LRP8: variants seen among roughly 807,000 people sequenced by gnomAD.
LRP8 encodes LDL receptor related protein 8, also known as low-density lipoprotein receptor-related protein 8.
LRP8 carries 46 observed loss-of-function variants against 111.6 expected under a neutral mutation model. That is an observed-to-expected ratio of 0.41 (90% CI 0.33 to 0.53). The LOEUF is 0.53. LRP8 is among the 20% of genes least tolerant of loss of function. The probability of loss-of-function intolerance (pLI) is 0.20; values close to 1 mark genes in which losing one functional copy is unlikely to be tolerated. For missense variants in LRP8, 959 were observed against 1,297.4 expected (o/e 0.74, Z 4.01); for synonymous variants, 464 against 511.2 (o/e 0.91, Z 1.24).
Position 53,294,716 on chromosome 1 carries a change from G to A in LRP8, c.245-5027C>T, listed in dbSNP as rs562998932. On this transcript the variant is annotated intron_variant, in intron 2 of 18. Coordinates refer to ENST00000306052, the MANE Select transcript of LRP8 (RefSeq NM_004631.5). This position sits in a 1 kb window ranked among gnomAD's most constrained non-coding sequence, Gnocchi z 4.1. ...CCTCATCAGGAAATGGAGGTGTGGCGCTGACTAAGTCTTAAGGCCCTCTCC... is the reference window on the plus strand; with the variant it reads ...CCTCATCAGGAAATGGAGGTGTGGCACTGACTAAGTCTTAAGGCCCTCTCC... Among the ~76,000 whole-genome samples the A allele has an allele frequency of 2.6e-5, 4 of 152,130 alleles. No individual in the cohort carries two copies. Among genetic ancestry groups the A allele is most frequent in the South Asian group, 2.1e-4 (1 of 4,826 alleles).
rs1274662029 is a variant in LRP8 at position 53,289,588 on chromosome 1, C to T, written c.346G>A (p.Asp116Asn). 7 of 1,606,748 alleles carry T rather than the reference C, an allele frequency of 4.4e-6. No individual in the cohort carries two copies. Among genetic ancestry groups the T allele is most frequent in the Admixed American group, 1.7e-5 (1 of 59,244 alleles). Residue 116 changes from aspartate (D) to asparagine (N), a missense_variant, in exon 3 of 19, where the codon GAT (aspartate) becomes AAT (asparagine). By Grantham distance (23) the Asp-to-Asn change is conservative. Around this residue, in one of 3 missense-constraint regions of LRP8, gnomAD observed 43 missense variants for 92.4 expected, o/e 0.47. Transcript: ENST00000306052. Reference sequence around the variant, plus strand: ...TCACTGCAAGTGGCCTCGGACTCATCGGAGCCATCAGGACACTCCTCCTCG... The same window carrying T: ...TCACTGCAAGTGGCCTCGGACTCATTGGAGCCATCAGGACACTCCTCCTCG... ...DGEEECPDGSDESEATCTKQV... is the reference protein window; with the variant it reads ...DGEEECPDGSNESEATCTKQV...
chr1:53,267,310 A>T (rs2100394857), intron 8 of LRP8: 1 of 151,904 alleles, frequency 6.6e-6, no homozygotes, highest in Non-Finnish European at 1.5e-5. Flanking sequence ...TAAAAATAAA[A>T]ATAAAAAAAA....
chr1:53,268,375 T>C (rs966621553), intron 8 of LRP8: 8 of 152,212 alleles, frequency 5.3e-5, no homozygotes, highest in Non-Finnish European at 1.2e-4. Flanking sequence ...TGTATATGCA[T>C]GGGTAGTTGC....
intron 2 of LRP8, 21 bp from the exon 3 acceptor site, chr1:53,289,710 CGTGGTGAGCCTGGGAGCAGTCAGGAGG>C: frequency 6.2e-7 from 1 of 1,612,642 alleles, no homozygotes; most frequent in East Asian, 2.2e-5. Context: ...AGGAAGAGAG[CGTGGTGAGCCTGGGAGCAGTCAGGAGG>C]GTGGTGGGCC....
intron 2 of LRP8, among the ~76,000 whole-genome samples, chr1:53,315,323 T>G (rs1429307255): frequency 6.6e-6 from 1 of 152,220 alleles, no homozygotes; most frequent in Non-Finnish European, 1.5e-5. Context: ...TGGGGATTCC[T>G]GAAGGACAGA....
chr1:53,258,561 G>A (rs1195995886), intron 13 of LRP8, 90 bp from the exon 14 acceptor site: 27 of 1,199,254 alleles, frequency 2.3e-5, no homozygotes, highest in Non-Finnish European at 3.2e-5. Flanking sequence ...CACCTGGCTT[G>A]CTCAAAAAGC....
chr1:53,271,630 A>G (rs1370918223), intron 6 of LRP8, among the ~76,000 whole-genome samples: 1 of 152,112 alleles, frequency 6.6e-6, no homozygotes, highest in Non-Finnish European at 1.5e-5. Flanking sequence ...TCCACCACCA[A>G]GCTGGAGGCA....
At chr1:53,316,660 G>T (rs1653845995) in intron 2 of LRP8, among the ~76,000 whole-genome samples, 2 of 152,222 alleles carry the variant, frequency 1.3e-5, no homozygotes, top group Admixed American at 1.3e-4. Context: ...GAAAACAAAA[G>T]AATTCCACAG....
rs561309513 is a variant in LRP8 at position 53,317,699 on chromosome 1, C to A, written c.244+9174G>T. On this transcript the variant is annotated intron_variant, in intron 2 of 18. Coordinates refer to ENST00000306052, the MANE Select transcript of LRP8 (RefSeq NM_004631.5). This position sits in a 1 kb window ranked among gnomAD's most constrained non-coding sequence, Gnocchi z 4.9. ...GCCAGGCTCTGGGCAAAGTACTTTC[C>A]TCAGCCCGCACACCTCCGGAATATG... Among the ~76,000 whole-genome samples the A allele has an allele frequency of 7.2e-5, 11 of 152,320 alleles. No individual in the cohort carries two copies. Among genetic ancestry groups the A allele is most frequent in the African/African-American group, 2.6e-4 (11 of 41,564 alleles).
intron 3 of LRP8, among the ~76,000 whole-genome samples, chr1:53,283,473 T>G (rs112070950): frequency 2.1e-5 from 3 of 142,848 alleles, no homozygotes; most frequent in African/African-American, 5.3e-5. Context: ...CCCGGGCCAC[T>G]TACTTACTAC....
rs1018570545 is a variant in LRP8 at position 53,243,172 on chromosome 1, T to C, written c.*3846A>G. 1 of 152,114 alleles carries C rather than the reference T, an allele frequency of 6.6e-6. No individual in the cohort carries two copies. The highest frequency in any genetic ancestry group is 2.4e-5 in the African/African-American group (1 of 41,420). The allele number at this position is 152,114 out of a possible 1,614,324, so 9.4% of individuals were successfully genotyped here. A position where few individuals can be genotyped will look rare whatever the true frequency, so the allele number is the denominator to read the frequency against. On this transcript the variant is annotated 3_prime_UTR_variant, in exon 19 of 19. Coordinates refer to ENST00000306052, the MANE Select transcript of LRP8 (RefSeq NM_004631.5). ...TGAAACGATGAGTGTATGGCTGGAG[T>C]TCGGGGGGTAGGGTGGAGAGGCTTG...
At position 53,275,552 on chromosome 1, in the gene LRP8, C is replaced by G; in HGVS notation, c.1006+79G>C. ...CTTGGGGACCAAGGGGAAACTCCTC[C>G]CAACTCTGCCCTCTGGAGAGTTACC... On this transcript the variant is annotated intron_variant, in intron 6 of 18. Coordinates refer to ENST00000306052, the MANE Select transcript of LRP8 (RefSeq NM_004631.5). The surrounding 1 kb of genome is among the most constrained non-coding windows in gnomAD (Gnocchi z 4.4). The G allele has an allele frequency of 6.4e-7, 1 of 1,559,692 alleles. No individual in the cohort carries two copies. Among genetic ancestry groups the G allele is most frequent in the South Asian group, 1.2e-5 (1 of 86,262 alleles).
At position 53,275,707 on chromosome 1, in the gene LRP8, T is replaced by A; in HGVS notation, c.930A>T (p.Thr310=). ...RGDEFQCGDG[T]CVLAIKHCNQ... is the part of the protein sequence containing the mutation. The stretch of plus-strand genomic sequence containing the variant: ...TGCAGTGCTTGATTGCAAGGACACA[T>A]GTCCCATCCCCACACTGGAACTCGT... The change falls in exon 6 of 19, where the codon ACA becomes ACT. Residue 310 remains threonine (T), a synonymous_variant. Coordinates refer to ENST00000306052, the MANE Select transcript of LRP8 (RefSeq NM_004631.5). This position sits in a 1 kb window ranked among gnomAD's most constrained non-coding sequence, Gnocchi z 4.4. 6.2e-7 allele frequency: 1 copy of A among 1,614,096 alleles called. No homozygotes were observed. The highest frequency in any genetic ancestry group is 8.5e-7 in the Non-Finnish European group (1 of 1,179,994).
intron 14 of LRP8, chr1:53,258,088 G>T: frequency 2.7e-6 from 1 of 363,646 alleles, no homozygotes; most frequent in Non-Finnish European, 4.9e-6. Flanking sequence ...AATTTAAAAT[G>T]TTTTATGTAT....
rs768180742 is a variant in LRP8 at position 53,258,393 on chromosome 1, C to T, written c.2135G>A (p.Ser712Asn). Residue 712 changes from serine (S) to asparagine (N), a missense_variant, in exon 14 of 19, where the codon AGC (serine) becomes AAC (asparagine). By Grantham distance (46) the Ser-to-Asn change is conservative (BLOSUM62 1). This residue lies in a region of LRP8 where 819 missense variants were observed against 1,097.6 expected (regional missense o/e 0.75). Coordinates refer to ENST00000306052, the MANE Select transcript of LRP8 (RefSeq NM_004631.5). ...GGCACATGTGTACTTGGGAGAGTGG[C>T]TGGAGATCTGAGGAGCAGGAAGGCA... ...YLCLPAPQIS[S>N]HSPKYTCACP... 2.5e-6 allele frequency: 4 copies of T among 1,613,984 alleles called. No individual in the cohort carries two copies. In the East Asian group the frequency reaches 6.7e-5, roughly 27 times the overall value.
chr1:53,278,495 T>C (rs1053037184), intron 4 of LRP8, among the ~76,000 whole-genome samples: 1 of 152,284 alleles, frequency 6.6e-6, no homozygotes, highest in Non-Finnish European at 1.5e-5. Flanking sequence ...AATAGAGTGA[T>C]GTCTTCAGTT....
At position 53,242,818 on chromosome 1, in the gene LRP8, A is replaced by G. The variant is rs956352346; in HGVS notation, c.*4200T>C. On this transcript the variant is annotated 3_prime_UTR_variant, in exon 19 of 19. Transcript: ENST00000306052. Reference sequence around the variant, plus strand: ...TCTCTTGTAGTTTTTGTAAAAAAGTATCAAAACCTTGGCTTTAAATATATA... The same window carrying G: ...TCTCTTGTAGTTTTTGTAAAAAAGTGTCAAAACCTTGGCTTTAAATATATA... The G allele has an allele frequency of 1.3e-5, 2 of 148,938 alleles. No homozygotes were observed. Among genetic ancestry groups the G allele is most frequent in the African/African-American group, 4.9e-5 (2 of 40,506 alleles). 9.2% of individuals were successfully genotyped at this position (148,938 alleles called of 1,614,324 possible).
In LRP8 at chr1:53,294,967, T is replaced by C. The variant is rs924434606; in HGVS notation, c.245-5278A>G. ...TGCAGCTTCCTCTTGGCAATCCGAATGTCCTGCCGTGTTGGACTCCAGGGT... is the reference window on the plus strand; with the variant it reads ...TGCAGCTTCCTCTTGGCAATCCGAACGTCCTGCCGTGTTGGACTCCAGGGT... On this transcript the variant is annotated intron_variant, in intron 2 of 18. Coordinates refer to ENST00000306052, the MANE Select transcript of LRP8 (RefSeq NM_004631.5). The surrounding 1 kb of genome is among the most constrained non-coding windows in gnomAD (Gnocchi z 4.1). Among the ~76,000 whole-genome samples, 2 of 152,188 alleles carry C rather than the reference T, an allele frequency of 1.3e-5. No individual in the cohort carries two copies. Among genetic ancestry groups the C allele is most frequent in the African/African-American group, 4.8e-5 (2 of 41,448 alleles).
chr1:53,310,351 A>G (rs1354934584), intron 2 of LRP8, among the ~76,000 whole-genome samples: 3 of 146,902 alleles, frequency 2.0e-5, no homozygotes, highest in African/African-American at 7.6e-5. Context: ...ACCCCAGCCC[A>G]CCTCCCACCC....
Sources: gnomAD v4.1 joint callset for allele counts (sites outside exome capture counted in the v4.1 genomes callset) on GRCh38, gnomAD v4.1.1 for gene constraint, gnomAD v4.1.1 regional missense constraint, Gnocchi (gnomAD v3.1) non-coding constraint, MANE v1.5 for transcripts, NCBI Gene and HGNC (gene_info 2026-07-23, HGNC 2026-07-21) for gene names.